SOX6: variants seen among roughly 807,000 people sequenced by gnomAD.
The protein encoded by SOX6 is transcription factor SOX-6.
A neutral mutation model predicts 97.8 loss-of-function variants in SOX6; 11 were observed. The ratio of observed to expected loss-of-function variants is 0.11; its 90% confidence interval spans 0.07 to 0.19. The LOEUF (loss-of-function observed/expected upper bound fraction) is 0.19. Ranked by LOEUF, SOX6 falls within the 10% of genes least tolerant of loss-of-function variation. The pLI is 1.00. For synonymous variants in SOX6, 360 were observed against 371.4 expected (o/e 0.97, Z 0.35); for missense variants, 810 against 1,039.5 (o/e 0.78, Z 3.04).
At chr11:16,266,393 T>C (rs1180006562) in intron 3 of SOX6, among the ~76,000 whole-genome samples, 1 of 151,626 alleles carries the variant, frequency 6.6e-6, no homozygotes, top group Non-Finnish European at 1.5e-5. Context: ...ATAGAATTTA[T>C]CACCAGCAGA....
At chr11:16,611,684 T>A (rs1172531665) in intron 4 of SOX6, among the ~76,000 whole-genome samples, 2 of 152,342 alleles carry the variant, frequency 1.3e-5, no homozygotes, top group Middle Eastern at 3.4e-3. Context: ...AACTCGTGTT[T>A]CAGCAACAAA....
intron 1 of SOX6, among the ~76,000 whole-genome samples, chr11:16,399,039 G>C (rs1858458734): frequency 6.6e-6 from 1 of 151,206 alleles, no homozygotes; most frequent in South Asian, 2.1e-4. Flanking sequence ...TGAACTAGTA[G>C]AACTCAGAAA....
intron 7 of SOX6, among the ~76,000 whole-genome samples, chr11:16,100,180 C>A (rs934844560): frequency 4.6e-5 from 7 of 151,802 alleles, no homozygotes; most frequent in African/African-American, 1.7e-4. Context: ...AGAAAAAGTT[C>A]TCAGTGCCTG....
intron 1 of SOX6, among the ~76,000 whole-genome samples, chr11:16,447,464 T>G (rs1473545658): frequency 1.3e-5 from 2 of 152,084 alleles, no homozygotes; most frequent in African/African-American, 4.8e-5. Flanking sequence ...TCTTTCTTTC[T>G]TTCTTTCTTT....
intron 13 of SOX6, among the ~76,000 whole-genome samples, chr11:15,999,866 AC>A (rs1329952941): frequency 7.9e-5 from 12 of 152,208 alleles, no homozygotes; most frequent in African/African-American, 2.7e-4. Context: ...GTCACACAAT[AC>A]ATTTGATAGT....
At chr11:16,402,558 C>A in intron 1 of SOX6, 1 of 1,221,600 alleles carries the variant, frequency 8.2e-7, no homozygotes, top group Non-Finnish European at 1.2e-6. Flanking sequence ...CCAAAGCACA[C>A]TGGAATCTCA....
intron 3 of SOX6, among the ~76,000 whole-genome samples, chr11:16,257,108 CAAT>C (rs1303232735): frequency 1.3e-5 from 2 of 151,812 alleles, no homozygotes; most frequent in Non-Finnish European, 3.0e-5. Context: ...TTGAAAGACT[CAAT>C]ATTGTCAAGA....
At chr11:16,712,075 C>CCATA (rs1353674398) in intron 3 of SOX6, among the ~76,000 whole-genome samples, 14 of 116,968 alleles carry the variant, frequency 1.2e-4, no homozygotes, top group Non-Finnish European at 3.5e-5. Context: ...GAGTAGTATT[C>CCATA]CATACACACA....
intron 12 of SOX6, among the ~76,000 whole-genome samples, chr11:16,036,941 C>T (rs1003989816): frequency 1.3e-5 from 2 of 152,160 alleles, no homozygotes; most frequent in African/African-American, 2.4e-5. Context: ...AGTTTAGAAT[C>T]TACTCAGCCT....
At chr11:16,013,236 C>T (rs1854783121) in intron 13 of SOX6, among the ~76,000 whole-genome samples, 1 of 152,018 alleles carries the variant, frequency 6.6e-6, no homozygotes, top group Non-Finnish European at 1.5e-5. Flanking sequence ...GTCAAATAAA[C>T]AGACTGAATA....
chr11:15,992,418 T>C (rs1272804502), intron 13 of SOX6, among the ~76,000 whole-genome samples: 1 of 152,182 alleles, frequency 6.6e-6, no homozygotes, highest in Non-Finnish European at 1.5e-5. Context: ...GAAAATGTTT[T>C]CCTGTTTTTC....
intron 3 of SOX6, among the ~76,000 whole-genome samples, chr11:16,639,675 C>A (rs1023807718): frequency 2.6e-5 from 4 of 152,108 alleles, no homozygotes; most frequent in African/African-American, 9.7e-5. Context: ...CTCTTTGAAG[C>A]AATTGTGAAT....
In SOX6 at chr11:16,241,608, G is replaced by C. The variant is rs1397303599; in HGVS notation, c.446-6937C>G. 2.0e-5 allele frequency among the ~76,000 whole-genome samples: 3 copies of C among 151,968 alleles called. No individual in the cohort carries two copies. The East Asian group carries it at 5.8e-4, about 29-fold the overall frequency. ...CTTTGGGAAAATATTTCTGACTGCT[G>C]TTGTCTTGATGAGAGTGGTCAATCA... On this transcript the variant is annotated intron_variant, in intron 3 of 15. Transcript: ENST00000683767.
At chr11:16,494,019 T>C (rs4492775) in intron 4 of SOX6, among the ~76,000 whole-genome samples, 33,496 of 152,134 alleles carry the variant, frequency 0.22, 4,193 homozygotes, top group East Asian at 0.51. Context: ...AAAAAGTCCA[T>C]TAATGAAGAC....
At chr11:16,134,366 G>A (rs369309347) in intron 6 of SOX6, among the ~76,000 whole-genome samples, 4 of 152,188 alleles carry the variant, frequency 2.6e-5, no homozygotes, top group South Asian at 4.1e-4. Context: ...TGAGGAAAGG[G>A]GAAATGAGAG....
intron 1 of SOX6, among the ~76,000 whole-genome samples, chr11:16,351,786 A>T (rs1038953083): frequency 6.6e-6 from 1 of 152,124 alleles, no homozygotes. Context: ...GTGAGAAATT[A>T]CTTTTTATAT....
At chr11:16,179,863 C>T (rs1851302106) in intron 6 of SOX6, among the ~76,000 whole-genome samples, 1 of 151,826 alleles carries the variant, frequency 6.6e-6, no homozygotes, top group Non-Finnish European at 1.5e-5. Flanking sequence ...ACTTGAATAA[C>T]TCTAAAATTG....
At chr11:16,563,791 A>T (rs1847840193) in intron 4 of SOX6, among the ~76,000 whole-genome samples, 1 of 152,210 alleles carries the variant, frequency 6.6e-6, no homozygotes, top group African/African-American at 2.4e-5. Context: ...AATTCAAAGA[A>T]ATTCATGCAA....
At chr11:16,572,542 G>A (rs1373594565) in intron 4 of SOX6, among the ~76,000 whole-genome samples, 2 of 152,178 alleles carry the variant, frequency 1.3e-5, no homozygotes, top group Admixed American at 1.3e-4. Context: ...AAAGTCAGCT[G>A]TATTTATACT....
Sources: allele counts gnomAD v4.1 joint callset (sites outside exome capture counted in the v4.1 genomes callset), GRCh38; gene constraint gnomAD v4.1.1; transcripts MANE v1.5; gene names NCBI Gene and HGNC (gene_info 2026-07-23, HGNC 2026-07-21).